FARS2: variants seen among roughly 807,000 people sequenced by gnomAD.
FARS2 encodes the protein phenylalanyl-tRNA synthetase 2, mitochondrial, also known as phenylalanine--tRNA ligase, mitochondrial.
A neutral mutation model predicts 46.4 loss-of-function variants in FARS2; 40 were observed. The ratio of observed to expected loss-of-function variants is 0.86; its 90% CI spans 0.67 to 1.12. The LOEUF is 1.12. Ranked by LOEUF, FARS2 falls within the 50% of genes most tolerant of loss-of-function variation. FARS2 has a pLI of 0.00. For synonymous variants in FARS2, 234 were observed against 214.9 expected, an observed-to-expected ratio of 1.09 and a Z score of -0.78; for missense variants, 513 against 567.9, an observed-to-expected ratio of 0.90 and a Z score of 0.98.
At chr6:5,700,026 G>C (rs1208126402) in intron 6 of FARS2, among the ~76,000 whole-genome samples, 5 of 152,114 alleles carry the variant, frequency 3.3e-5, no homozygotes, top group African/African-American at 1.2e-4. Context: ...GTCCCCGAAC[G>C]CTCTATGCTT....
chr6:5,292,984 A>T (rs1054528469), intron 1 of FARS2, among the ~76,000 whole-genome samples: 1 of 152,226 alleles, frequency 6.6e-6, no homozygotes, highest in African/African-American at 2.4e-5. Context: ...GGTGCAACCA[A>T]TGTGCAACCA....
At position 5,343,241 on chromosome 6, in the gene FARS2, C is replaced by T. The variant is rs74428503; in HGVS notation, c.-21-25309C>T. On this transcript the variant is annotated intron_variant, in intron 1 of 6. Transcript: ENST00000274680. The surrounding 1 kb of genome is among the most constrained non-coding windows in gnomAD (Gnocchi z 4.5). ...ATTTATTTATTTAGAGATGGAATTT[C>T]GCTCTCGTTGCCCAGGCTGGAGTGC... is the stretch of plus-strand genomic sequence containing the variant. 2.2e-3 allele frequency among the ~76,000 whole-genome samples: 336 copies of T among 152,208 alleles called. 1 individual carries two copies. The highest frequency in any genetic ancestry group is 7.5e-3 in the African/African-American group (310 of 41,516).
At chr6:5,598,997 G>A (rs571533373) in intron 5 of FARS2, among the ~76,000 whole-genome samples, 2 of 152,330 alleles carry the variant, frequency 1.3e-5, no homozygotes, top group South Asian at 4.2e-4. Context: ...AAATTCAAGT[G>A]ACTTCGCTAG....
At chr6:5,566,330 A>C (rs1398900179) in intron 5 of FARS2, among the ~76,000 whole-genome samples, 1 of 149,306 alleles carries the variant, frequency 6.7e-6, no homozygotes, top group East Asian at 2.1e-4. Flanking sequence ...TTTTCTACCT[A>C]GTTATTACAC....
At chr6:5,258,696 A>G (rs1202201274), upstream of FARS2, among the ~76,000 whole-genome samples, 1 of 152,258 alleles carries the variant, frequency 6.6e-6, no homozygotes, top group Non-Finnish European at 1.5e-5. Context: ...ACAGTATAAA[A>G]TGATTATCAG....
chr6:5,349,649 C>T lies in FARS2; in HGVS notation c.-21-18901C>T, dbSNP rs79883829. On this transcript the variant is annotated intron_variant, in intron 1 of 6. Coordinates refer to ENST00000274680, the MANE Select transcript of FARS2 (RefSeq NM_006567.5). ...GGAACCACTATTGTTACATTATTAACGAAATCCACACTTCATTCAGATTTT... is the reference window on the plus strand; with the variant it reads ...GGAACCACTATTGTTACATTATTAATGAAATCCACACTTCATTCAGATTTT... 8.7e-3 allele frequency among the ~76,000 whole-genome samples: 1,326 copies of T among 152,244 alleles called. 16 individuals are homozygous for T. The highest frequency in any genetic ancestry group is 0.03 in the African/African-American group (1,248 of 41,560).
At chr6:5,391,571 AT>A (rs34075927) in intron 2 of FARS2, among the ~76,000 whole-genome samples, 12 of 149,584 alleles carry the variant, frequency 8.0e-5, no homozygotes, top group African/African-American at 1.5e-4. Flanking sequence ...GTCAATAGTT[AT>A]TTTTTTTTTA....
At chr6:5,748,948 C>A (rs959475298) in intron 6 of FARS2, among the ~76,000 whole-genome samples, 1 of 152,232 alleles carries the variant, frequency 6.6e-6, no homozygotes, top group African/African-American at 2.4e-5. Context: ...AGACAGGAAT[C>A]AGGCGAAGAT....
chr6:5,437,570 G>A (rs1295985287), intron 4 of FARS2, among the ~76,000 whole-genome samples: 1 of 151,996 alleles, frequency 6.6e-6, no homozygotes, highest in Non-Finnish European at 1.5e-5. Context: ...TTTTCACGAG[G>A]AATTGTTCCT....
chr6:5,730,022 G>T (rs956716635), intron 6 of FARS2, among the ~76,000 whole-genome samples: 2 of 152,198 alleles, frequency 1.3e-5, no homozygotes, highest in African/African-American at 4.8e-5. Context: ...GTGCCCTCTA[G>T]GGAGCAAAAT....
chr6:5,689,858 A>G (rs902262511), intron 6 of FARS2, among the ~76,000 whole-genome samples: 8 of 152,042 alleles, frequency 5.3e-5, no homozygotes, highest in African/African-American at 1.9e-4. Flanking sequence ...GTCTCTAAGG[A>G]CTTGCTTTAT....
intron 4 of FARS2, among the ~76,000 whole-genome samples, chr6:5,475,906 A>G (rs545111777): frequency 2.0e-5 from 3 of 152,006 alleles, no homozygotes; most frequent in African/African-American, 7.2e-5. Flanking sequence ...TTCTCCCATG[A>G]TTTTGCTCCA....
intron 6 of FARS2, among the ~76,000 whole-genome samples, chr6:5,717,935 T>TATATATATAGAGAGAGAG (rs546191530): frequency 7.4e-6 from 1 of 135,630 alleles, no homozygotes; most frequent in African/African-American, 3.1e-5. Flanking sequence ...TATATATATA[T>TATATATATAGAGAGAGAG]ACAGAGTCTC....
intron 6 of FARS2, among the ~76,000 whole-genome samples, chr6:5,714,027 C>A (rs2150907257): frequency 6.6e-6 from 1 of 152,304 alleles, no homozygotes; most frequent in Non-Finnish European, 1.5e-5. Context: ...GAAAATGCTG[C>A]AGCCCTGTGC....
intron 5 of FARS2, among the ~76,000 whole-genome samples, chr6:5,593,308 C>T (rs1774024837): frequency 6.6e-6 from 1 of 152,070 alleles, no homozygotes; most frequent in Non-Finnish European, 1.5e-5. Context: ...CCCCACCGGC[C>T]TCTGCTGGTG....
chr6:5,537,944 C>G (rs935141310), intron 4 of FARS2, among the ~76,000 whole-genome samples: 1 of 151,928 alleles, frequency 6.6e-6, no homozygotes, highest in African/African-American at 2.4e-5. Context: ...TGCATAGGCT[C>G]GCCCTCTTAG....
chr6:5,400,479 T>C (rs1761190208), intron 2 of FARS2, among the ~76,000 whole-genome samples: 1 of 152,020 alleles, frequency 6.6e-6, no homozygotes, highest in African/African-American at 2.4e-5. Context: ...TGTATTTTAA[T>C]CAGAGAGTAT....
At chr6:5,277,608 G>A (rs1251640065) in intron 1 of FARS2, among the ~76,000 whole-genome samples, 1 of 152,146 alleles carries the variant, frequency 6.6e-6, no homozygotes, top group African/African-American at 2.4e-5. Context: ...TCTCTGTAGG[G>A]CATAAAGGGT....
At chr6:5,293,549 A>G (rs1203200330) in intron 1 of FARS2, among the ~76,000 whole-genome samples, 1 of 152,250 alleles carries the variant, frequency 6.6e-6, no homozygotes, top group African/African-American at 2.4e-5. Flanking sequence ...GACTAGCTTC[A>G]CTACAAGAAA....
Sources: allele counts gnomAD v4.1 joint callset (sites outside exome capture counted in the v4.1 genomes callset), GRCh38; gene constraint gnomAD v4.1.1; non-coding constraint Gnocchi (gnomAD v3.1); transcripts MANE v1.5; gene names NCBI Gene and HGNC (gene_info 2026-07-23, HGNC 2026-07-21).